Variants in HTRA1 observed in about 807,000 individuals in gnomAD.
The protein encoded by HTRA1 is serine protease HTRA1.
Under a neutral mutation model 49.7 loss-of-function variants are expected in HTRA1, and 26 were observed. The observed-to-expected ratio is 0.52, with a 90% CI of 0.38 to 0.73. The LOEUF (loss-of-function observed/expected upper bound fraction) is 0.73, where lower values mean the gene tolerates loss of function less well. Among genes scored for constraint, HTRA1 ranks in the 30% least tolerant of loss-of-function variants. The probability of loss-of-function intolerance (pLI) is 0.00; values close to 1 mark genes in which losing one functional copy is unlikely to be tolerated. For synonymous variants in HTRA1, 291 were observed against 286.9 expected (o/e 1.01, Z -0.14); for missense variants, 561 against 667.2 (o/e 0.84, Z 1.75).
At chr10:122,508,808 T>C in intron 6 of HTRA1, 38 bp downstream of exon 6, 1 of 1,251,996 alleles carries the variant, frequency 8.0e-7, no homozygotes, top group South Asian at 1.2e-5. Context: ...ACTCCGGAGA[T>C]GGGGCCTGAA....
Position 122,461,979 on chromosome 10 carries a change from CTG to C in HTRA1, c.334_335del (p.Cys112ArgfsTer56). On this transcript the variant is annotated frameshift_variant, in exon 1 of 9. Coordinates refer to ENST00000368984, the MANE Select transcript of HTRA1 (RefSeq NM_002775.5). LOFTEE classifies it high-confidence loss of function. Reference protein sequence around the residue: ...TVRRRAQAGLCVCASSEPVCG... With the variant: ...TVRRRAQAGLXVCASSEPVCG... ...TGCGGCGGCGCGCGCAGGCCGGCCTCTGTGTGTGCGCCAGCAGCGAGCCGGTG... is the reference window on the plus strand; with the variant it reads ...TGCGGCGGCGCGCGCAGGCCGGCCTCTGTGTGCGCCAGCAGCGAGCCGGTG... The C allele has an allele frequency of 6.6e-7, 1 of 1,520,192 alleles. No homozygotes were observed. Among genetic ancestry groups the C allele is most frequent in the South Asian group, 1.2e-5 (1 of 82,650 alleles). 94.2% of individuals were successfully genotyped at this position (1,520,192 alleles called of 1,614,324 possible).
chr10:122,505,783 A>G (rs906904381), intron 3 of HTRA1, among the ~76,000 whole-genome samples: 1 of 152,210 alleles, frequency 6.6e-6, no homozygotes, highest in Non-Finnish European at 1.5e-5. Context: ...AAGTGAATAA[A>G]GGCTGAAGGA....
intron 1 of HTRA1, among the ~76,000 whole-genome samples, chr10:122,485,411 T>A (rs188009756): frequency 4.3e-4 from 65 of 152,334 alleles, no homozygotes; most frequent in Non-Finnish European, 1.3e-4. Flanking sequence ...GTCCTGGACC[T>A]GATCTCAAAT....
At chr10:122,462,155 A>T in intron 1 of HTRA1, 31 bp downstream of exon 1, 1 of 1,493,198 alleles carries the variant, frequency 6.7e-7, no homozygotes. Flanking sequence ...GCAGCTCCCC[A>T]CTCTCTCCAT....
At chr10:122,511,915 T>G in intron 7 of HTRA1, 55 bp from the exon 8 acceptor site, 3 of 1,320,066 alleles carry the variant, frequency 2.3e-6, no homozygotes, top group South Asian at 1.2e-5. Flanking sequence ...GAGTTTTGCG[T>G]GAGGAAGGCC....
chr10:122,504,753 T>C (rs1318496603), intron 3 of HTRA1, among the ~76,000 whole-genome samples: 1 of 152,242 alleles, frequency 6.6e-6, no homozygotes, highest in Non-Finnish European at 1.5e-5. Context: ...CAGGGGCTGC[T>C]GGCCCAGGCC....
chr10:122,510,122 A>G lies in HTRA1; in HGVS notation c.1147A>G (p.Ile383Val). 1.9e-6 allele frequency: 3 copies of G among 1,614,050 alleles called. No homozygotes were observed. The highest frequency in any genetic ancestry group is 2.5e-6 in the Non-Finnish European group (3 of 1,179,898). Residue 383 changes from isoleucine to valine, a missense_variant, in exon 7 of 9, where the codon ATT becomes GTT. Transcript: ENST00000368984. ...AAAAGCCATCACCAAGAAGAAGTAT[A>G]TTGGTATCCGAATGATGTCACTCAC... ...KGKAITKKKYIGIRMMSLTSS... is the reference protein window; with the variant it reads ...KGKAITKKKYVGIRMMSLTSS...
At chr10:122,513,646 A>G (rs2097506622) in intron 8 of HTRA1, among the ~76,000 whole-genome samples, 1 of 150,638 alleles carries the variant, frequency 6.6e-6, no homozygotes, top group Admixed American at 6.7e-5. Context: ...AAAAAAAAAA[A>G]AAAAAAAGAG....
chr10:122,511,604 G>T (rs1226565667), intron 7 of HTRA1, among the ~76,000 whole-genome samples: 1 of 151,822 alleles, frequency 6.6e-6, no homozygotes, highest in East Asian at 1.9e-4. Flanking sequence ...TTGGTGGCAG[G>T]CACCTGTAAT....
intron 3 of HTRA1, among the ~76,000 whole-genome samples, chr10:122,492,308 CG>C (rs1473205466): frequency 6.6e-6 from 1 of 152,132 alleles, no homozygotes; most frequent in African/African-American, 2.4e-5. Context: ...GAGGGGCCCC[CG>C]TTGTCCTTCA....
chr10:122,508,295 A>T (rs745409671), intron 5 of HTRA1, among the ~76,000 whole-genome samples: 35 of 152,216 alleles, frequency 2.3e-4, no homozygotes, highest in Non-Finnish European at 2.4e-4. Flanking sequence ...TAAGATCATT[A>T]GACATGGGAG....
At position 122,464,743 on chromosome 10, in the gene HTRA1, C is replaced by T. The variant is rs970376945; in HGVS notation, c.472+2619C>T. On this transcript the variant is annotated intron_variant, in intron 1 of 8. Transcript: ENST00000368984. The surrounding 1 kb of genome is among the most constrained non-coding windows in gnomAD (Gnocchi z 4.8). The stretch of plus-strand genomic sequence containing the variant: ...TCAGTCCAAGCCAGGCTCCAGGACT[C>T]AACAGCTGGTGCCCACGGGCAGGTC... 2.0e-5 allele frequency among the ~76,000 whole-genome samples: 3 copies of T among 152,216 alleles called. No homozygotes were observed. Among genetic ancestry groups the T allele is most frequent in the East Asian group, 1.9e-4 (1 of 5,180 alleles).
Position 122,464,437 on chromosome 10 carries a change from C to G in HTRA1, c.472+2313C>G, listed in dbSNP as rs1461115103. 6.6e-6 allele frequency among the ~76,000 whole-genome samples: 1 copy of G among 152,108 alleles called. No individual in the cohort carries two copies. The highest frequency in any genetic ancestry group is 1.5e-5 in the Non-Finnish European group (1 of 68,024). On this transcript the variant is annotated intron_variant, in intron 1 of 8. Coordinates refer to ENST00000368984, the MANE Select transcript of HTRA1 (RefSeq NM_002775.5). The surrounding 1 kb of genome is among the most constrained non-coding windows in gnomAD (Gnocchi z 4.8). ...TGGGTACAATGCTTTTCTTATCCCTCCCTCCTTCTTTTGCAAATATTTATT... is the reference window on the plus strand; with the variant it reads ...TGGGTACAATGCTTTTCTTATCCCTGCCTCCTTCTTTTGCAAATATTTATT...
chr10:122,472,381 T>TTAC (rs1229640672), intron 1 of HTRA1, among the ~76,000 whole-genome samples: 1 of 130,172 alleles, frequency 7.7e-6, no homozygotes, highest in Non-Finnish European at 1.6e-5. Context: ...ATTATTATTA[T>TTAC]TATTATTATT....
rs575248816 is a variant in HTRA1, at chr10:122,483,069, G to A, written c.473-5833G>A. 9.2e-5 allele frequency among the ~76,000 whole-genome samples: 14 copies of A among 152,204 alleles called. No individual in the cohort carries two copies. In the South Asian group the frequency reaches 2.7e-3, roughly 29 times the overall value. On this transcript the variant is annotated intron_variant, in intron 1 of 8. Transcript: ENST00000368984. ...AATTTTGTTCAGTGTGATAATGAAT[G>A]TCAAACACTTAATGCCTTGCTCTTT...
chr10:122,498,919 A>G (rs944513629), intron 3 of HTRA1, among the ~76,000 whole-genome samples: 6 of 152,054 alleles, frequency 3.9e-5, no homozygotes, highest in Non-Finnish European at 8.8e-5. Context: ...CTCCAGCCCC[A>G]TCTGACCTTC....
At chr10:122,474,135 G>A (rs921492210) in intron 1 of HTRA1, among the ~76,000 whole-genome samples, 3 of 152,160 alleles carry the variant, frequency 2.0e-5, no homozygotes, top group African/African-American at 4.8e-5. Context: ...CGCACTGAAA[G>A]GAAAACATGA....
rs764544505 is a variant in HTRA1 at position 122,506,699 on chromosome 10, G to C, written c.786G>C (p.Leu262=). 6.2e-7 allele frequency: 1 copy of C among 1,612,742 alleles called. No individual in the cohort carries two copies. The highest frequency in any genetic ancestry group is 8.5e-7 in the Non-Finnish European group (1 of 1,180,000). The change falls in exon 4 of 9, where the codon CTG becomes CTC. Residue 262 remains leucine (L), a synonymous_variant. Transcript: ENST00000368984. The surrounding 1 kb of genome is among the most constrained non-coding windows in gnomAD (Gnocchi z 5.2). ...ALIKIDHQGK[L]PVLLLGRSSE... is the part of the protein sequence containing the mutation. Reference sequence around the variant, plus strand: ...AGCCATTGTGGTTTCAGGGCAAGCTGCCTGTCCTGCTGCTTGGCCGCTCCT... The same window carrying C: ...AGCCATTGTGGTTTCAGGGCAAGCTCCCTGTCCTGCTGCTTGGCCGCTCCT...
intron 1 of HTRA1, among the ~76,000 whole-genome samples, chr10:122,462,712 C>T (rs118081715): frequency 0.017 from 2,590 of 152,352 alleles, 42 homozygotes; most frequent in East Asian, 0.085. Context: ...GCACCGCTCT[C>T]GTTTCGGCGG....
Sources: allele counts gnomAD v4.1 joint callset (sites outside exome capture counted in the v4.1 genomes callset), GRCh38; gene constraint gnomAD v4.1.1; non-coding constraint Gnocchi (gnomAD v3.1); transcripts MANE v1.5; gene names NCBI Gene and HGNC (gene_info 2026-07-23, HGNC 2026-07-21).